FRMD6: variants seen among roughly 807,000 people sequenced by gnomAD.
FRMD6 encodes FERM domain-containing protein 6.
Under a neutral mutation model 73.2 loss-of-function variants are expected in FRMD6, and 37 were observed. The observed-to-expected ratio is 0.51, with a 90% CI of 0.39 to 0.66. The LOEUF (loss-of-function observed/expected upper bound fraction) is 0.66. FRMD6 is among the 30% of genes least tolerant of loss of function. The pLI is 0.00. For missense variants in FRMD6, 714 were observed against 780.5 expected (o/e 0.91, Z 1.02); for synonymous variants, 273 against 282.2 (o/e 0.97, Z 0.33).
intron 2 of FRMD6, among the ~76,000 whole-genome samples, chr14:51,624,582 G>A (rs550625078): frequency 6.6e-5 from 10 of 152,246 alleles, no homozygotes; most frequent in East Asian, 5.8e-4. Context: ...TGGTATGAGC[G>A]TGTGATCTCA....
At chr14:51,524,003 G>T (rs1334471653) in intron 1 of FRMD6, among the ~76,000 whole-genome samples, 1 of 152,142 alleles carries the variant, frequency 6.6e-6, no homozygotes, top group African/African-American at 2.4e-5. Context: ...AACAATGCAG[G>T]GTATGGGAAA....
chr14:51,465,699 G>A, the FRMD6 span, among the ~76,000 whole-genome samples: 31 of 152,162 alleles, frequency 2.0e-4, no homozygotes, highest in Non-Finnish European at 1.9e-4. Flanking sequence ...GTGCAGTCAC[G>A]TGATGATGGA....
chr14:51,727,885 T>G lies in FRMD6; in HGVS notation c.1725T>G (p.His575Gln). The change falls in exon 14 of 14, where the codon CAT (histidine) becomes CAG (glutamine). Residue 575 changes from histidine to glutamine, a missense_variant. By Grantham distance (24) the His-to-Gln change is conservative (BLOSUM62 0). Transcript: ENST00000344768. ...AGAGTTACACCTTTGGATGTGGCCA[T>G]GAACTGGATGAGGAAGGCCTCTATT... ...TAQSYTFGCG[H>Q]ELDEEGLYCN... 1 of 1,614,204 alleles carries G rather than the reference T, an allele frequency of 6.2e-7. No individual in the cohort carries two copies. Among genetic ancestry groups the G allele is most frequent in the Non-Finnish European group, 8.5e-7 (1 of 1,180,024 alleles).
At chr14:51,505,389 C>T (rs1055887286) in intron 1 of FRMD6, among the ~76,000 whole-genome samples, 2 of 151,992 alleles carry the variant, frequency 1.3e-5, no homozygotes, top group African/African-American at 2.4e-5. Flanking sequence ...GCTTGTTTAT[C>T]GAATTTTTAC....
chr14:51,482,826 G>A, the FRMD6 span, among the ~76,000 whole-genome samples: 1 of 151,908 alleles, frequency 6.6e-6, no homozygotes, highest in African/African-American at 2.4e-5. Context: ...TCAGCCTCCC[G>A]AGTAGCTGGG....
intron 1 of FRMD6, among the ~76,000 whole-genome samples, chr14:51,540,687 A>C (rs1349195654): frequency 1.4e-5 from 2 of 147,628 alleles, no homozygotes; most frequent in African/African-American, 5.2e-5. Context: ...GTGCCACAAG[A>C]TACAAATATT....
intron 2 of FRMD6, among the ~76,000 whole-genome samples, chr14:51,575,091 T>C (rs1888331811): frequency 1.3e-5 from 2 of 152,202 alleles, no homozygotes; most frequent in Non-Finnish European, 2.9e-5. Context: ...GAAAGACCAC[T>C]TTTATGCCTA....
chr14:51,532,196 G>A lies in FRMD6; in HGVS notation c.-209-38152G>A, dbSNP rs553198816. On this transcript the variant is annotated intron_variant, in intron 1 of 14. Coordinates refer to the FRMD6 transcript ENST00000356218. ...ATCCTGGCTAACATGGTGAAACCCC[G>A]TTTCTACTAAAAATACACAAAAATT... Among the ~76,000 whole-genome samples, 11 of 151,846 alleles carry A rather than the reference G, an allele frequency of 7.2e-5. No individual in the cohort carries two copies. In the South Asian group the frequency reaches 8.3e-4, roughly 12 times the overall value.
intron 2 of FRMD6, among the ~76,000 whole-genome samples, chr14:51,614,619 T>C (rs543228266): frequency 8.5e-5 from 13 of 152,352 alleles, no homozygotes; most frequent in African/African-American, 3.1e-4. Flanking sequence ...CAGAGAAATA[T>C]CCTGAGGCAC....
chr14:51,683,060 C>A (rs1163622244), intron 1 of FRMD6, among the ~76,000 whole-genome samples: 1 of 152,170 alleles, frequency 6.6e-6, no homozygotes, highest in Admixed American at 6.5e-5. Flanking sequence ...TCTTTCAGTA[C>A]ATAAAATTTC....
intron 2 of FRMD6, among the ~76,000 whole-genome samples, chr14:51,596,890 G>A (rs1223876270): frequency 6.6e-5 from 10 of 152,312 alleles, no homozygotes; most frequent in African/African-American, 2.4e-4. Context: ...GCATGTATAC[G>A]TGGGGTCCTC....
chr14:51,564,930 G>A lies in FRMD6; in HGVS notation c.-209-5418G>A, dbSNP rs528776109. The stretch of plus-strand genomic sequence containing the variant: ...AAAACACAGGGAAGTGATTTTTCAC[G>A]ACAGTAATAATGGCAGACCTGTTCA... On this transcript the variant is annotated intron_variant, in intron 1 of 14. Transcript: ENST00000356218. Among the ~76,000 whole-genome samples, 20 of 152,322 alleles carry A rather than the reference G, an allele frequency of 1.3e-4. No individual in the cohort carries two copies. The South Asian group carries it at 2.9e-3, about 22-fold the overall frequency.
intron 1 of FRMD6, among the ~76,000 whole-genome samples, chr14:51,553,162 G>A (rs942472287): frequency 5.3e-5 from 8 of 152,210 alleles, no homozygotes; most frequent in Non-Finnish European, 1.0e-4. Flanking sequence ...AGCTCTGTTG[G>A]AGTTAAAAGT....
chr14:51,717,211 C>T (rs1015632079), intron 10 of FRMD6: 1 of 152,180 alleles, frequency 6.6e-6, no homozygotes, highest in African/African-American at 2.4e-5. Context: ...AGACCACAGA[C>T]TAGGTAAGTT....
chr14:51,416,118 G>A, the FRMD6 span, among the ~76,000 whole-genome samples: 3 of 152,154 alleles, frequency 2.0e-5, no homozygotes, highest in South Asian at 6.2e-4. Context: ...TGGATTCATT[G>A]ATTTTTTGAA....
upstream of FRMD6, among the ~76,000 whole-genome samples, chr14:51,485,747 G>T (rs1453908397): frequency 6.6e-6 from 1 of 152,186 alleles, no homozygotes; most frequent in African/African-American, 2.4e-5. Flanking sequence ...GGCATGGCTC[G>T]GTTGAAGATT....
the FRMD6 span, among the ~76,000 whole-genome samples, chr14:51,421,684 T>G: frequency 2.0e-5 from 3 of 152,244 alleles, no homozygotes; most frequent in South Asian, 6.2e-4. Flanking sequence ...TGTGTCATGA[T>G]AGAGCAAGCT....
chr14:51,470,519 C>A, the FRMD6 span, among the ~76,000 whole-genome samples: 6 of 152,034 alleles, frequency 3.9e-5, no homozygotes, highest in African/African-American at 1.2e-4. Flanking sequence ...CAAAAAAAAA[C>A]CAGCTTTTGG....
At chr14:51,479,666 A>G in the FRMD6 span, among the ~76,000 whole-genome samples, 8 of 152,218 alleles carry the variant, frequency 5.3e-5, no homozygotes, top group African/African-American at 1.9e-4. Context: ...TCATGTAAAT[A>G]ATTATTAACT....
Sources: gnomAD v4.1 joint callset for allele counts (sites outside exome capture counted in the v4.1 genomes callset) on GRCh38, gnomAD v4.1.1 for gene constraint, MANE v1.5 for transcripts, NCBI Gene and HGNC (gene_info 2026-07-23, HGNC 2026-07-21) for gene names.